The following MYO5B variants were observed in gnomAD, a reference collection of about 807,000 sequenced individuals.
The protein encoded by MYO5B is unconventional myosin-Vb.
Under a neutral mutation model 229.3 loss-of-function variants are expected in MYO5B, and 143 were observed. The ratio of observed to expected loss-of-function variants is 0.62; its 90% CI spans 0.54 to 0.72. The LOEUF is 0.72. Among genes scored for constraint, MYO5B ranks in the 30% least tolerant of loss-of-function variants. The probability of loss-of-function intolerance (pLI) is 0.00; values close to 1 mark genes in which losing one functional copy is unlikely to be tolerated. For missense variants in MYO5B, 2,321 were observed against 2,331.0 expected, an observed-to-expected ratio of 1.00 and a Z score of 0.09; for synonymous variants, 918 against 885.2, an observed-to-expected ratio of 1.04 and a Z score of -0.66.
At chr18:50,053,863 A>G (rs138788772) in intron 2 of MYO5B, among the ~76,000 whole-genome samples, 52 of 152,340 alleles carry the variant, frequency 3.4e-4, no homozygotes, top group Non-Finnish European at 5.9e-4. Flanking sequence ...TGCTGTTGCC[A>G]TTCAGAGAGG....
chr18:49,932,954 G>C (rs994242794), intron 16 of MYO5B, among the ~76,000 whole-genome samples: 1 of 152,126 alleles, frequency 6.6e-6, no homozygotes, highest in Non-Finnish European at 1.5e-5. Context: ...AATTAACATA[G>C]AAAAATCACC....
Position 49,868,461 on chromosome 18 carries a change from G to A in MYO5B, c.3603+3706C>T, listed in dbSNP as rs183000593. On this transcript the variant is annotated intron_variant, in intron 27 of 39. Transcript: ENST00000285039. ...GGACTCTTAGTTCTCTATCATTCTT[G>A]CACAAACTCTGAGTCAGTGGGTACC... 5.7e-3 allele frequency among the ~76,000 whole-genome samples: 864 copies of A among 152,298 alleles called. 6 individuals carry two copies. Among genetic ancestry groups the A allele is most frequent in the Non-Finnish European group, 9.2e-3 (625 of 68,022 alleles).
intron 1 of MYO5B, among the ~76,000 whole-genome samples, chr18:50,146,557 C>T (rs1217069800): frequency 6.6e-6 from 1 of 152,136 alleles, no homozygotes. Context: ...TGCTCTTGAC[C>T]CTGTGTCCAC....
At chr18:49,938,175 G>A (rs2025272101) in intron 14 of MYO5B, among the ~76,000 whole-genome samples, 1 of 152,156 alleles carries the variant, frequency 6.6e-6, no homozygotes, top group Non-Finnish European at 1.5e-5. Context: ...ATCTTGTCAA[G>A]TTAACTTCCC....
chr18:50,110,261 T>C (rs1238662040), intron 1 of MYO5B, among the ~76,000 whole-genome samples: 1 of 152,184 alleles, frequency 6.6e-6, no homozygotes, highest in Non-Finnish European at 1.5e-5. Context: ...CTTTCTCTGC[T>C]TTATTTTCTT....
At chr18:49,960,473 A>T (rs2025546648) in intron 12 of MYO5B, among the ~76,000 whole-genome samples, 1 of 152,196 alleles carries the variant, frequency 6.6e-6, no homozygotes, top group South Asian at 2.1e-4. Context: ...TTTTAAAGTC[A>T]GGTTCATTGC....
At chr18:50,129,103 G>T (rs1414540781) in intron 1 of MYO5B, among the ~76,000 whole-genome samples, 1 of 152,234 alleles carries the variant, frequency 6.6e-6, no homozygotes, top group Non-Finnish European at 1.5e-5. Context: ...GATGTGAAAG[G>T]AGCCCAGGCC....
At chr18:49,935,480 A>T (rs1319448174) in intron 16 of MYO5B, among the ~76,000 whole-genome samples, 2 of 152,222 alleles carry the variant, frequency 1.3e-5, no homozygotes, top group Non-Finnish European at 2.9e-5. Context: ...GGATGAGATA[A>T]CAGGAAATGT....
chr18:49,947,273 T>G (rs2025385165), intron 14 of MYO5B, among the ~76,000 whole-genome samples: 1 of 151,738 alleles, frequency 6.6e-6, no homozygotes, highest in Non-Finnish European at 1.5e-5. Context: ...GCCTGGCTAA[T>G]TTTTTGTATT....
rs267605197 is a variant in MYO5B, at chr18:49,906,541, G to C, written c.2292C>G (p.Phe764Leu). 9 of 1,614,168 alleles carry C rather than the reference G, an allele frequency of 5.6e-6. No individual in the cohort carries two copies. The East Asian group carries it at 1.1e-4, about 20-fold the overall frequency. ...AYLEKLRADK[F>L]RTATIMIQKT... The stretch of plus-strand genomic sequence containing the variant: ...TCTGGATCATGATGGTGGCTGTCCG[G>C]AACTTGTCAGCCCGCAGCTTCTCCA... Residue 764 changes from phenylalanine to leucine, a missense_variant, in exon 19 of 40, where the codon TTC becomes TTG. Phe to Leu is a conservative substitution (Grantham distance 22). Transcript: ENST00000285039.
At chr18:49,878,784 A>G (rs1418680895) in intron 24 of MYO5B, among the ~76,000 whole-genome samples, 161 bp downstream of exon 24, 1 of 152,228 alleles carries the variant, frequency 6.6e-6, no homozygotes, top group East Asian at 1.9e-4. Flanking sequence ...TGAATCACCC[A>G]GTCCAGCTAC....
chr18:50,043,368 AT>A (rs2030095479), intron 2 of MYO5B, among the ~76,000 whole-genome samples: 3 of 111,120 alleles, frequency 2.7e-5, no homozygotes, highest in African/African-American at 1.1e-4. Flanking sequence ...AATATATTAT[AT>A]AATATATAAT....
intron 17 of MYO5B, among the ~76,000 whole-genome samples, chr18:49,925,417 T>C (rs190683772): frequency 7.9e-5 from 12 of 152,360 alleles, no homozygotes; most frequent in Admixed American, 1.3e-4. Flanking sequence ...TCAAACCAAG[T>C]TGTGGCCTGA....
intron 6 of MYO5B, among the ~76,000 whole-genome samples, 179 bp from the exon 7 acceptor site, chr18:49,990,699 G>T (rs1172775636): frequency 3.9e-5 from 6 of 152,110 alleles, no homozygotes; most frequent in African/African-American, 1.4e-4. Context: ...TCACTCTTAT[G>T]GGGACTTCTT....
chr18:50,009,944 G>C (rs974579130), intron 4 of MYO5B, among the ~76,000 whole-genome samples: 6 of 152,128 alleles, frequency 3.9e-5, no homozygotes, highest in African/African-American at 1.4e-4. Context: ...AAATGGCAGA[G>C]GGATGTCCTC....
At position 49,902,963 on chromosome 18, in the gene MYO5B, G is replaced by A. The variant is rs987749070; in HGVS notation, c.2572-130C>T. 3.4e-6 allele frequency: 4 copies of A among 1,174,230 alleles called. No homozygotes were observed. The African/African-American group carries it at 4.6e-5, about 13-fold the overall frequency. The allele number at this position is 1,174,230 out of a possible 1,614,324, so 72.7% of individuals were successfully genotyped here. ...GTTCTAGGAGTTACACAGACAATGT[G>A]CCCCCTAAGATCTAAGGCTTTGGTG... is the stretch of plus-strand genomic sequence containing the variant. On this transcript the variant is annotated intron_variant, in intron 20 of 39. Coordinates refer to ENST00000285039, the MANE Select transcript of MYO5B (RefSeq NM_001080467.3).
intron 39 of MYO5B, among the ~76,000 whole-genome samples, chr18:49,830,176 T>C (rs1249966056): frequency 9.0e-6 from 1 of 110,966 alleles, no homozygotes; most frequent in Non-Finnish European, 2.1e-5. Flanking sequence ...CACACAAATA[T>C]TGCTAGAGCT....
chr18:50,029,243 G>C (rs946470143), intron 4 of MYO5B, among the ~76,000 whole-genome samples: 3 of 152,202 alleles, frequency 2.0e-5, no homozygotes, highest in Non-Finnish European at 2.9e-5. Flanking sequence ...GCACTGGCAT[G>C]GCTGTGCAGG....
rs1215271492 is a variant in MYO5B, at chr18:49,904,820, T to A, written c.2423A>T (p.Glu808Val). 1.9e-6 allele frequency: 3 copies of A among 1,613,678 alleles called. No individual in the cohort carries two copies. Among genetic ancestry groups the A allele is most frequent in the Non-Finnish European group, 1.7e-6 (2 of 1,180,030 alleles). Reference protein sequence around the residue: ...CRGHLARRLAEHLRRIRAAVV... With the variant: ...CRGHLARRLAVHLRRIRAAVV... ...AGCCGCTCTGATCCTCCGCAGGTGC[T>A]CAGCCAGCCTGGGGAGCAAGAGGAA... Residue 808 changes from glutamate (E) to valine (V), a missense_variant, in exon 20 of 40, where the codon GAG becomes GTG. Transcript: ENST00000285039.
Sources: gnomAD v4.1 joint callset for allele counts (sites outside exome capture counted in the v4.1 genomes callset) on GRCh38, gnomAD v4.1.1 for gene constraint, MANE v1.5 for transcripts, NCBI Gene and HGNC (gene_info 2026-07-23, HGNC 2026-07-21) for gene names.